The following ACOT11 variants were observed in gnomAD, a reference collection of about 807,000 sequenced individuals.
The protein encoded by ACOT11 is acyl-coenzyme A thioesterase 11.
A neutral mutation model predicts 77.5 loss-of-function variants in ACOT11; 69 were observed. The observed-to-expected ratio is 0.89, with a 90% CI of 0.73 to 1.09. ACOT11 has a LOEUF of 1.09. Among genes scored for constraint, ACOT11 ranks in the 50% least tolerant of loss-of-function variants. ACOT11 has a pLI of 0.00. For missense variants in ACOT11, 766 were observed against 813.7 expected (o/e 0.94, Z 0.71); for synonymous variants, 279 against 313.0 (o/e 0.89, Z 1.15).
At chr1:54,604,186 T>G (rs928180588) in intron 11 of ACOT11, among the ~76,000 whole-genome samples, 160 bp from the exon 12 acceptor site, 1 of 152,048 alleles carries the variant, frequency 6.6e-6, no homozygotes, top group African/African-American at 2.4e-5. Flanking sequence ...TGGACCTCCC[T>G]TCTCAACGCC....
intron 1 of ACOT11, among the ~76,000 whole-genome samples, chr1:54,559,287 C>T (rs1192559521): frequency 4.6e-5 from 7 of 152,108 alleles, no homozygotes; most frequent in Non-Finnish European, 1.0e-4. Context: ...TTCAGGGCCC[C>T]AGGCTGAGCT....
downstream of ACOT11, among the ~76,000 whole-genome samples, chr1:54,613,745 C>T (rs1644142536): frequency 6.6e-6 from 1 of 152,314 alleles, no homozygotes; most frequent in Non-Finnish European, 1.5e-5. Flanking sequence ...TCCAGGAAGA[C>T]AGGTCATATT....
chr1:54,562,533 G>A (rs1653562450), intron 1 of ACOT11, among the ~76,000 whole-genome samples: 1 of 94,910 alleles, frequency 1.1e-5, no homozygotes, highest in African/African-American at 4.2e-5. Flanking sequence ...CGGCTGGCCG[G>A]GCGGGGGGCT....
In ACOT11 at chr1:54,584,611, C is replaced by G; in HGVS notation, c.34-44C>G. ...TGGACAGACCTGGGAGACCCTGCAG[C>G]AAGCAGACCTCTCTGTCCCCACCTG... On this transcript the variant is annotated intron_variant, in intron 1 of 15. Coordinates refer to ENST00000343744, the MANE Select transcript of ACOT11 (RefSeq NM_147161.4). The surrounding 1 kb of genome is among the most constrained non-coding windows in gnomAD (Gnocchi z 6.3). The G allele has an allele frequency of 6.3e-7, 1 of 1,576,664 alleles. No homozygotes were observed. Among genetic ancestry groups the G allele is most frequent in the Non-Finnish European group, 8.7e-7 (1 of 1,154,780 alleles).
At chr1:54,621,241 G>C (rs1448389572) in intron 15 of ACOT11, among the ~76,000 whole-genome samples, 1 of 151,778 alleles carries the variant, frequency 6.6e-6, no homozygotes, top group Non-Finnish European at 1.5e-5. Context: ...CGGATCACCT[G>C]AGTTCAGGAG....
intron 1 of ACOT11, among the ~76,000 whole-genome samples, chr1:54,573,665 G>A (rs1046277496): frequency 5.9e-5 from 9 of 152,206 alleles, no homozygotes; most frequent in African/African-American, 7.2e-5. Flanking sequence ...CCCCGGAGGT[G>A]GAGGTTGCAG....
At chr1:54,626,321 T>C (rs549116644) in intron 15 of ACOT11, among the ~76,000 whole-genome samples, 1 of 151,208 alleles carries the variant, frequency 6.6e-6, no homozygotes, top group Admixed American at 6.6e-5. Flanking sequence ...AGAAAAGAAG[T>C]CTAGAGGAAC....
chr1:54,567,909 C>T (rs405731), intron 1 of ACOT11, among the ~76,000 whole-genome samples: 44,477 of 151,992 alleles, frequency 0.29, 9,054 homozygotes, highest in African/African-American at 0.57. Context: ...GATCTTACAA[C>T]GCAGGCCAGA....
At chr1:54,579,780 C>T (rs982125263) in intron 1 of ACOT11, among the ~76,000 whole-genome samples, 1 of 152,148 alleles carries the variant, frequency 6.6e-6, no homozygotes, top group Non-Finnish European at 1.5e-5. Flanking sequence ...AGTTTTGCAC[C>T]CTGGGTTTGA....
exon 17 of ACOT11, chr1:54,635,014 T>A: frequency 2.4e-6 from 1 of 418,620 alleles, no homozygotes; most frequent in Non-Finnish European, 4.2e-6. Flanking sequence ...CTGGTAATAA[T>A]GCCTGGATGC....
chr1:54,549,953 G>A (rs922660948), intron 1 of ACOT11, among the ~76,000 whole-genome samples: 5 of 152,190 alleles, frequency 3.3e-5, no homozygotes, highest in African/African-American at 9.7e-5. Flanking sequence ...GAGGCATATC[G>A]TTATCACTGT....
chr1:54,627,773 A>C lies in ACOT11; in HGVS notation c.1630-2961A>C, dbSNP rs1486269654. Among the ~76,000 whole-genome samples the C allele has an allele frequency of 1.1e-4, 15 of 133,782 alleles. 3 individuals are homozygous for C. 87.8% of individuals were successfully genotyped at this position (133,782 alleles called of 152,430 possible). ...GGGTGGGCCAGGAGGCTTTCAGAAG[A>C]GGCTTGGCTGACTCGGAGAACCATC... On this transcript the variant is annotated intron_variant, in intron 15 of 16. Transcript: ENST00000371316.
intron 15 of ACOT11, among the ~76,000 whole-genome samples, chr1:54,621,187 C>T (rs538201022): frequency 2.7e-5 from 4 of 148,154 alleles, no homozygotes; most frequent in Admixed American, 6.8e-5. Flanking sequence ...CTGCGCGCGG[C>T]GGCTGACGCC....
chr1:54,562,555 C>A lies in ACOT11; in HGVS notation c.33+14213C>A, dbSNP rs1489391919. 9.9e-3 allele frequency among the ~76,000 whole-genome samples: 1,381 copies of A among 139,654 alleles called. 55 individuals carry two copies. Among genetic ancestry groups the A allele is most frequent in the African/African-American group, 0.03 (1,127 of 37,212 alleles). The allele number at this position is 139,654 out of a possible 152,430, so 91.6% of individuals were successfully genotyped here. A position where few individuals can be genotyped will look rare whatever the true frequency, so the allele number is the denominator to read the frequency against. The stretch of plus-strand genomic sequence containing the variant: ...CCGGGCGGGGGGCTGACCCACCCCC[C>A]ACCTCCCTCCCGGACGGGGTGGCTG... On this transcript the variant is annotated intron_variant, in intron 1 of 15. Coordinates refer to ENST00000343744, the MANE Select transcript of ACOT11 (RefSeq NM_147161.4).
At position 54,584,745 on chromosome 1, in the gene ACOT11, C is replaced by T. The variant is rs139052769; in HGVS notation, c.124C>T (p.Arg42Trp). 1.3e-4 allele frequency: 212 copies of T among 1,614,096 alleles called. No individual in the cohort carries two copies. Among genetic ancestry groups the T allele is most frequent in the East Asian group, 1.6e-4 (7 of 44,878 alleles). ...TGCCATGGCAGACGGCGAGGGATACCGGAACCCCACGGAGGTGCAGATGAG... is the reference window on the plus strand; with the variant it reads ...TGCCATGGCAGACGGCGAGGGATACTGGAACCCCACGGAGGTGCAGATGAG... ...DSAMADGEGYRNPTEVQMSQL... is the reference protein window; with the variant it reads ...DSAMADGEGYWNPTEVQMSQL... Residue 42 changes from arginine to tryptophan, a missense_variant, in exon 2 of 16, where the codon CGG becomes TGG. By Grantham distance (101) the Arg-to-Trp change is moderately radical (BLOSUM62 -3). Transcript: ENST00000343744. The surrounding 1 kb of genome is among the most constrained non-coding windows in gnomAD (Gnocchi z 6.3).
chr1:54,632,693 T>C (rs12136592), intron 16 of ACOT11, among the ~76,000 whole-genome samples: 43,411 of 152,078 alleles, frequency 0.29, 6,814 homozygotes, highest in Middle Eastern at 0.4. Context: ...GTCCTACCTG[T>C]GAAATAACTA....
chr1:54,634,879 C>A (rs1418994289), exon 17 of ACOT11: 3 of 515,196 alleles, frequency 5.8e-6, no homozygotes, highest in Non-Finnish European at 1.0e-5. Flanking sequence ...AAGAACAGAT[C>A]AAGAAGCTGT....
intron 1 of ACOT11, among the ~76,000 whole-genome samples, chr1:54,564,758 C>G (rs904544332): frequency 6.6e-6 from 1 of 152,204 alleles, no homozygotes; most frequent in African/African-American, 2.4e-5. Flanking sequence ...GACCGGCTCT[C>G]TTCCCCAGCC....
intron 15 of ACOT11, among the ~76,000 whole-genome samples, chr1:54,618,634 T>G (rs1016850950): frequency 6.6e-6 from 1 of 152,116 alleles, no homozygotes; most frequent in African/African-American, 2.4e-5. Flanking sequence ...AGGAAAGGAT[T>G]TGTTTCCTGT....
Sources: gnomAD v4.1 joint callset for allele counts (sites outside exome capture counted in the v4.1 genomes callset) on GRCh38, gnomAD v4.1.1 for gene constraint, Gnocchi (gnomAD v3.1) non-coding constraint, MANE v1.5 for transcripts, NCBI Gene and HGNC (gene_info 2026-07-23, HGNC 2026-07-21) for gene names.